The following COL22A1 variants were observed in gnomAD, a reference collection of about 807,000 sequenced individuals.
The protein encoded by COL22A1 is collagen alpha-1(XXII) chain.
Under a neutral mutation model 248.9 loss-of-function variants are expected in COL22A1, and 221 were observed. The ratio of observed to expected loss-of-function variants is 0.89; its 90% CI spans 0.80 to 0.99. The LOEUF is 0.99. COL22A1 is among the 50% of genes least tolerant of loss of function. The probability of loss-of-function intolerance (pLI) is 0.00; values close to 1 mark genes in which losing one functional copy is unlikely to be tolerated. For missense variants in COL22A1, 2,240 were observed against 2,179.0 expected (o/e 1.03, Z -0.56); for synonymous variants, 891 against 793.4 (o/e 1.12, Z -2.07).
chr8:138,885,622 C>A (rs549404700), intron 1 of COL22A1, among the ~76,000 whole-genome samples: 5 of 152,030 alleles, frequency 3.3e-5, no homozygotes, highest in Non-Finnish European at 7.4e-5. Flanking sequence ...ACTCTTGTTG[C>A]CCAGACTGAA....
intron 15 of COL22A1, among the ~76,000 whole-genome samples, chr8:138,776,670 C>T (rs983440388): frequency 2.6e-5 from 4 of 151,896 alleles, no homozygotes; most frequent in Non-Finnish European, 4.4e-5. Context: ...TCTTACCATG[C>T]GTCACTTTGT....
intron 1 of COL22A1, among the ~76,000 whole-genome samples, chr8:138,903,377 G>A (rs1814762525): frequency 6.6e-6 from 1 of 152,204 alleles, no homozygotes; most frequent in South Asian, 2.1e-4. Context: ...ACAGACTGGG[G>A]GGCCTTCAAT....
intron 5 of COL22A1, among the ~76,000 whole-genome samples, chr8:138,832,460 C>T (rs1820118854): frequency 6.6e-6 from 1 of 152,048 alleles, no homozygotes; most frequent in East Asian, 1.9e-4. Flanking sequence ...CATCTTTAGC[C>T]CCTGACTGGA....
chr8:138,676,197 C>T (rs866772754), intron 41 of COL22A1, among the ~76,000 whole-genome samples: 4 of 151,856 alleles, frequency 2.6e-5, no homozygotes, highest in African/African-American at 7.3e-5. Context: ...GAGTTCAAGA[C>T]GAGCCTGGCC....
At chr8:138,661,797 G>A (rs558481741) in intron 43 of COL22A1, among the ~76,000 whole-genome samples, 3 of 152,194 alleles carry the variant, frequency 2.0e-5, no homozygotes, top group Non-Finnish European at 4.4e-5. Context: ...GAGTTGAACA[G>A]ATCTTGAAAA....
At chr8:138,615,869 A>G (rs1819273869) in intron 55 of COL22A1, 132 bp downstream of exon 55, 2 of 668,030 alleles carry the variant, frequency 3.0e-6, no homozygotes, top group Non-Finnish European at 5.2e-6. Context: ...TTGCCAACCA[A>G]TCCTGTGATG....
At chr8:138,604,034 G>T (rs1488702807) in intron 59 of COL22A1, among the ~76,000 whole-genome samples, 1 of 152,188 alleles carries the variant, frequency 6.6e-6, no homozygotes, top group Non-Finnish European at 1.5e-5. Flanking sequence ...TGGGGGGTCT[G>T]CTTTGCTTCA....
At chr8:138,611,399 C>A (rs1220449691) in intron 56 of COL22A1, among the ~76,000 whole-genome samples, 1 of 152,194 alleles carries the variant, frequency 6.6e-6, no homozygotes, top group Non-Finnish European at 1.5e-5. Flanking sequence ...AAATCAAGCC[C>A]AGATGGCTGA....
intron 57 of COL22A1, 112 bp downstream of exon 57, chr8:138,607,824 T>A: frequency 1.3e-5 from 13 of 1,022,876 alleles, no homozygotes; most frequent in Non-Finnish European, 1.9e-5. Flanking sequence ...CTCAAACCCA[T>A]ATGTCCCCAC....
chr8:138,899,267 T>C (rs1032215398), intron 1 of COL22A1, among the ~76,000 whole-genome samples: 1 of 152,184 alleles, frequency 6.6e-6, no homozygotes, highest in South Asian at 2.1e-4. Flanking sequence ...CCTTTCACCA[T>C]GCCAGACATG....
At chr8:138,860,659 T>A (rs1279380430) in intron 3 of COL22A1, among the ~76,000 whole-genome samples, 1 of 152,018 alleles carries the variant, frequency 6.6e-6, no homozygotes, top group African/African-American at 2.4e-5. Flanking sequence ...AATGCACACA[T>A]TAGCATGGCA....
rs375825444 is a variant in COL22A1 at position 138,878,012 on chromosome 8, G to A, written c.396C>T (p.His132=). ...RYITARSFSP[H]AGGRPRDRAY... is the part of the protein sequence containing the mutation. Reference sequence around the variant, plus strand: ...CGCGGTCCCTGGGGCGGCCGCCGGCGTGTGGGGAGAAGCTGCGGGCCGTGA... The same window carrying A: ...CGCGGTCCCTGGGGCGGCCGCCGGCATGTGGGGAGAAGCTGCGGGCCGTGA... Residue 132 remains histidine, a synonymous_variant, in exon 3 of 65, where the codon CAC becomes CAT. Transcript: ENST00000303045. The A allele has an allele frequency of 4.4e-6, 7 of 1,586,874 alleles. No individual in the cohort carries two copies. The highest frequency in any genetic ancestry group is 1.7e-4 in the Middle Eastern group (1 of 6,030).
At chr8:138,615,114 G>A (rs1819203863) in intron 55 of COL22A1, among the ~76,000 whole-genome samples, 2 of 152,214 alleles carry the variant, frequency 1.3e-5, no homozygotes, top group South Asian at 4.1e-4. Context: ...TGGGGGATGT[G>A]GAGCTGGTGG....
intron 29 of COL22A1, 44 bp downstream of exon 29, chr8:138,716,183 T>C (rs200747166): frequency 1.4e-6 from 2 of 1,479,962 alleles, no homozygotes; most frequent in East Asian, 2.4e-5. Flanking sequence ...TCTGTGGAGA[T>C]GGGCGAGGTT....
At chr8:138,751,169 TG>T (rs1438165567) in intron 22 of COL22A1, among the ~76,000 whole-genome samples, 1 of 152,188 alleles carries the variant, frequency 6.6e-6, no homozygotes, top group Non-Finnish European at 1.5e-5. Context: ...CCCTCAGCAC[TG>T]GGCTTCCCTG....
At chr8:138,615,391 C>T (rs751717024) in intron 55 of COL22A1, among the ~76,000 whole-genome samples, 55 of 152,036 alleles carry the variant, frequency 3.6e-4, no homozygotes, top group Non-Finnish European at 6.8e-4. Flanking sequence ...ATTAGCTGGG[C>T]ATGGTGGCAG....
chr8:138,719,907 G>A (rs1829741723), intron 27 of COL22A1, among the ~76,000 whole-genome samples: 3 of 152,212 alleles, frequency 2.0e-5, no homozygotes, highest in African/African-American at 7.2e-5. Flanking sequence ...TGTGGGTGGA[G>A]GGCGGGAGGA....
At chr8:138,674,622 C>T (rs1037193379) in intron 41 of COL22A1, among the ~76,000 whole-genome samples, 3 of 152,118 alleles carry the variant, frequency 2.0e-5, no homozygotes, top group Non-Finnish European at 2.9e-5. Flanking sequence ...GCTGGCTCTT[C>T]GGTGGCAGGT....
chr8:138,717,632 T>TA (rs990344655), intron 27 of COL22A1, among the ~76,000 whole-genome samples: 2 of 151,428 alleles, frequency 1.3e-5, no homozygotes, highest in African/African-American at 4.8e-5. Context: ...CACAAATGAT[T>TA]AAAAAAAAAT....
Sources: gnomAD v4.1 joint callset for allele counts (sites outside exome capture counted in the v4.1 genomes callset) on GRCh38, gnomAD v4.1.1 for gene constraint, MANE v1.5 for transcripts, NCBI Gene and HGNC (gene_info 2026-07-23, HGNC 2026-07-21) for gene names.